The following KRT37 variants were observed in gnomAD, a reference collection of about 807,000 sequenced individuals.
The protein encoded by KRT37 is keratin 37.
KRT37 carries 38 observed loss-of-function variants against 41.9 expected under a neutral mutation model. The ratio of observed to expected loss-of-function variants is 0.91; its 90% CI spans 0.70 to 1.19. The LOEUF (loss-of-function observed/expected upper bound fraction) is 1.19, where lower values mean the gene tolerates loss of function less well. Among genes scored for constraint, KRT37 ranks in the 50% most tolerant of loss-of-function variants. KRT37 has a pLI of 0.00. For synonymous variants in KRT37, 252 were observed against 243.4 expected, an observed-to-expected ratio of 1.04 and a Z score of -0.33; for missense variants, 580 against 575.5, an observed-to-expected ratio of 1.01 and a Z score of -0.08.
intron 3 of KRT37, 150 bp downstream of exon 3, chr17:41,422,628 T>C (rs543093720): frequency 8.2e-7 from 1 of 1,221,524 alleles, no homozygotes; most frequent in African/African-American, 1.5e-5. Flanking sequence ...GTCTGCACTT[T>C]CCACAGAGGC....
intron 6 of KRT37, 102 bp downstream of exon 6, chr17:41,421,265 C>T: frequency 1.6e-6 from 2 of 1,254,706 alleles, no homozygotes; most frequent in Non-Finnish European, 2.3e-6. Flanking sequence ...CACAGGAAGG[C>T]TTGTTTGTTA....
Position 41,423,004 on chromosome 17 carries a change from A to T in KRT37, c.576-70T>A, listed in dbSNP as rs979036677. 34 of 1,533,998 alleles carry T rather than the reference A, an allele frequency of 2.2e-5. No individual in the cohort carries two copies. In the Middle Eastern group the frequency reaches 7.0e-4, roughly 31 times the overall value. Reference sequence around the variant, plus strand: ...CCCCTCTCAGCTGCCCTGGCTTCCTACCTCCCACACCACCTTGGATCCTTA... The same window carrying T: ...CCCCTCTCAGCTGCCCTGGCTTCCTTCCTCCCACACCACCTTGGATCCTTA... On this transcript the variant is annotated intron_variant, in intron 2 of 6. Transcript: ENST00000225550.
rs2018585687 is a variant in KRT37, at chr17:41,424,335, G to T, written c.189C>A (p.Gly63=). ...NRVRVGSTPL[G]RPSLCLPPTS... ...TTGGGGGCAGACAGAGGCTGGGGCG[G>T]CCCAGGGGAGTCGACCCCACACGGA... is the stretch of plus-strand genomic sequence containing the variant. Residue 63 remains glycine (G), a synonymous_variant, in exon 1 of 7, where the codon GGC becomes GGA. Coordinates refer to ENST00000225550, the MANE Select transcript of KRT37 (RefSeq NM_003770.5). 1.9e-6 allele frequency: 3 copies of T among 1,614,152 alleles called. No homozygotes were observed. Among genetic ancestry groups the T allele is most frequent in the South Asian group, 1.1e-5 (1 of 91,090 alleles).
rs576613762 is a variant in KRT37 at position 41,422,820 on chromosome 17, G to A, written c.690C>T (p.Ser230=). The A allele has an allele frequency of 6.8e-6, 11 of 1,613,780 alleles. No homozygotes were observed. The East Asian group carries it at 1.6e-4, about 23-fold the overall frequency. ...AKADLEAQQE[S]LKEEQLSLKS... The stretch of plus-strand genomic sequence containing the variant: ...TGAGGGAGAGCTGCTCCTCCTTCAG[G>A]GACTCCTGCTGGGCCTCCAGGTCGG... The change falls in exon 3 of 7, where the codon TCC becomes TCT. Residue 230 remains serine, a synonymous_variant. Transcript: ENST00000225550.
chr17:41,424,537 G>A lies in KRT37; in HGVS notation c.-14C>T. On this transcript the variant is annotated 5_prime_UTR_variant, in exon 1 of 7. Coordinates refer to ENST00000225550, the MANE Select transcript of KRT37 (RefSeq NM_003770.5). Reference sequence around the variant, plus strand: ...GAAGGAGGTCATGGTGTAGGGCTGAGGCTGCACAGGAGCTTCAGATCAGCT... The same window carrying A: ...GAAGGAGGTCATGGTGTAGGGCTGAAGCTGCACAGGAGCTTCAGATCAGCT... The A allele has an allele frequency of 6.5e-7, 1 of 1,547,532 alleles. No homozygotes were observed. Among genetic ancestry groups the A allele is most frequent in the Non-Finnish European group, 8.7e-7 (1 of 1,144,302 alleles).
At chr17:41,422,514 G>T in intron 3 of KRT37, 80 bp from the exon 4 acceptor site, 3 of 1,555,450 alleles carry the variant, frequency 1.9e-6, no homozygotes, top group South Asian at 1.2e-5. Flanking sequence ...CTCCGTCCCT[G>T]GCAAGCAGTA....
In KRT37 at chr17:41,424,349, A is replaced by G. The variant is rs1460020791; in HGVS notation, c.175T>C (p.Ser59Pro). 1.9e-6 allele frequency: 3 copies of G among 1,613,918 alleles called. No homozygotes were observed. The highest frequency in any genetic ancestry group is 2.5e-6 in the Non-Finnish European group (3 of 1,179,974). ...AGGCTGGGGCGGCCCAGGGGAGTCG[A>G]CCCCACACGGACTCTGTTGGCGTGT... ...VAHANRVRVG[S>P]TPLGRPSLCL... Residue 59 changes from serine to proline, a missense_variant, in exon 1 of 7, where the codon TCG becomes CCG. Physicochemically the swap from Ser to Pro is moderately conservative, Grantham distance 74. Transcript: ENST00000225550.
intron 6 of KRT37, among the ~76,000 whole-genome samples, 173 bp downstream of exon 6, chr17:41,421,193 AT>A (rs1162702449): frequency 1.3e-5 from 2 of 152,118 alleles, no homozygotes; most frequent in Non-Finnish European, 2.9e-5. Flanking sequence ...TTTAGAGAAC[AT>A]TTTCTCAATA....
intron 2 of KRT37, 52 bp from the exon 3 acceptor site, chr17:41,422,986 C>G: frequency 1.3e-6 from 2 of 1,574,022 alleles, no homozygotes; most frequent in Non-Finnish European, 1.7e-6. Context: ...TAGCCCCTCT[C>G]AGCTGCCCTG....
chr17:41,421,273 T>C, intron 6 of KRT37, 94 bp downstream of exon 6: 2 of 1,335,760 alleles, frequency 1.5e-6, no homozygotes, highest in South Asian at 2.6e-5. Context: ...GGCTTGTTTG[T>C]TAAGATGATA....
chr17:41,424,300 G>T lies in KRT37; in HGVS notation c.224C>A (p.Thr75Asn), dbSNP rs2018584600. 8 of 1,614,210 alleles carry T rather than the reference G, an allele frequency of 5.0e-6. No individual in the cohort carries two copies. The highest frequency in any genetic ancestry group is 6.8e-6 in the Non-Finnish European group (8 of 1,180,024). Residue 75 changes from threonine to asparagine, a missense_variant, in exon 1 of 7, where the codon ACT becomes AAT. Thr to Asn is a moderately conservative substitution (Grantham distance 65). Transcript: ENST00000225550. ...ACAGGTCCCTGGCAAGGGACAAGCA[G>T]TGTGACTGGTTGGGGGCAGACAGAG... ...PSLCLPPTSH[T>N]ACPLPGTCHI... is the part of the protein sequence containing the mutation.
chr17:41,423,026 C>T (rs1244179020), intron 2 of KRT37, 92 bp from the exon 3 acceptor site: 14 of 1,477,926 alleles, frequency 9.5e-6, no homozygotes, highest in African/African-American at 1.4e-5. Context: ...ACCTTGGATC[C>T]TTATTTGTTC....
In KRT37 at chr17:41,424,386, C is replaced by G; in HGVS notation, c.138G>C (p.Leu46Phe). ...AEANAASMCL[L>F]ANVAHANRVR... ...CTCTGTTGGCGTGTGCCACGTTGGC[C>G]AAGAGGCACATGGAGGCAGCATTGG... Residue 46 changes from leucine (L) to phenylalanine (F), a missense_variant, in exon 1 of 7, where the codon TTG (leucine) becomes TTC (phenylalanine). Coordinates refer to ENST00000225550, the MANE Select transcript of KRT37 (RefSeq NM_003770.5). The G allele has an allele frequency of 1.2e-6, 2 of 1,613,782 alleles. No individual in the cohort carries two copies. Among genetic ancestry groups the G allele is most frequent in the Admixed American group, 1.7e-5 (1 of 60,022 alleles).
Position 41,420,982 on chromosome 17 carries a change from G to A in KRT37, c.1246C>T (p.Pro416Ser). Reference protein sequence around the residue: ...NLLESEDCKLPCNPCSTPASC... With the variant: ...NLLESEDCKLSCNPCSTPASC... ...GCAGGCGTGGAACAGGGATTGCAGG[G>A]GAGTCTGCAGGGAGAGAAAGAAGAG... The change falls in exon 7 of 7, where the codon CCC becomes TCC. Residue 416 changes from proline to serine, a missense_variant. Pro to Ser is a moderately conservative substitution (Grantham distance 74). Coordinates refer to ENST00000225550, the MANE Select transcript of KRT37 (RefSeq NM_003770.5). 6.2e-7 allele frequency: 1 copy of A among 1,607,470 alleles called. No homozygotes were observed. Among genetic ancestry groups the A allele is most frequent in the Non-Finnish European group, 8.5e-7 (1 of 1,174,086 alleles).
At position 41,423,962 on chromosome 17, in the gene KRT37, T is replaced by C. The variant is rs576885847; in HGVS notation, c.492+70A>G. The C allele has an allele frequency of 1.6e-5, 26 of 1,602,504 alleles. 1 individual carries two copies. In the South Asian group the frequency reaches 2.8e-4, roughly 17 times the overall value. On this transcript the variant is annotated intron_variant, in intron 1 of 6. Transcript: ENST00000225550. The stretch of plus-strand genomic sequence containing the variant: ...CAAGAACCCAAAGCTCTCTGGACCT[T>C]ATGCAGATTCCTCCTGCGAAGGCTT...
rs546775661 is a variant in KRT37 at position 41,424,401 on chromosome 17, G to A, written c.123C>T (p.Ala41=). ...GCQPVAEANA[A]SMCLLANVAH... is the part of the protein sequence containing the mutation. ...CCACGTTGGCCAAGAGGCACATGGA[G>A]GCAGCATTGGCCTCTGCCACAGGCT... The change falls in exon 1 of 7, where the codon GCC becomes GCT. Residue 41 remains alanine, a synonymous_variant. Coordinates refer to ENST00000225550, the MANE Select transcript of KRT37 (RefSeq NM_003770.5). The A allele has an allele frequency of 1.3e-4, 211 of 1,613,718 alleles. No homozygotes were observed. The South Asian group carries it at 2.2e-3, about 17-fold the overall frequency.
At chr17:41,423,594 C>G in intron 2 of KRT37, 168 bp downstream of exon 2, 2 of 621,948 alleles carry the variant, frequency 3.2e-6, no homozygotes, top group Middle Eastern at 3.8e-4. Flanking sequence ...TCTCTTTCCT[C>G]CTATATAATG....
chr17:41,424,501 G>A lies in KRT37; in HGVS notation c.23C>T (p.Ser8Phe). ...CATGGTGCAACCCAGAGGGCATGAG[G>A]AGGTGCTGTAGAAGGAGGTCATGGT... Reference protein sequence around the residue: MTSFYSTSSCPLGCTMAP... With the variant: MTSFYSTFSCPLGCTMAP... Residue 8 changes from serine (S) to phenylalanine (F), a missense_variant, in exon 1 of 7, where the codon TCC becomes TTC. Ser to Phe is a radical substitution (Grantham distance 155). Transcript: ENST00000225550. The A allele has an allele frequency of 6.3e-7, 1 of 1,587,518 alleles. No individual in the cohort carries two copies. Among genetic ancestry groups the A allele is most frequent in the East Asian group, 2.3e-5 (1 of 44,432 alleles).
chr17:41,421,281 A>G, intron 6 of KRT37, 86 bp downstream of exon 6: 1 of 1,391,392 alleles, frequency 7.2e-7, no homozygotes, highest in Admixed American at 1.7e-5. Flanking sequence ...TGTTAAGATG[A>G]TATCTTCTGC....
Sources: allele counts gnomAD v4.1 joint callset (sites outside exome capture counted in the v4.1 genomes callset), GRCh38; gene constraint gnomAD v4.1.1; transcripts MANE v1.5; gene names NCBI Gene and HGNC (gene_info 2026-07-23, HGNC 2026-07-21).